The following PMF1 variants were observed in gnomAD, a reference collection of about 807,000 sequenced individuals.
The protein encoded by PMF1 is polyamine modulated factor 1.
A neutral mutation model predicts 26.7 loss-of-function variants in PMF1; 21 were observed. That is an observed-to-expected ratio of 0.79 (90% CI 0.56 to 1.13). The LOEUF (loss-of-function observed/expected upper bound fraction) is 1.13. Ranked by LOEUF, PMF1 falls within the 50% of genes most tolerant of loss-of-function variation. PMF1 has a pLI of 0.00. For missense variants in PMF1, 266 were observed against 254.9 expected, an observed-to-expected ratio of 1.04 and a Z score of -0.30; for synonymous variants, 105 against 101.0, an observed-to-expected ratio of 1.04 and a Z score of -0.24.
At chr1:156,238,658 CA>C (rs1659176143) in intron 4 of PMF1, among the ~76,000 whole-genome samples, 2 of 152,222 alleles carry the variant, frequency 1.3e-5, no homozygotes, top group Non-Finnish European at 2.9e-5. Context: ...TACAGGTCCC[CA>C]AATTTATGGC....
intron 1 of PMF1, among the ~76,000 whole-genome samples, chr1:156,214,977 A>T (rs1156350051): frequency 6.6e-6 from 1 of 151,534 alleles, no homozygotes; most frequent in African/African-American, 2.4e-5. Context: ...TGCCGGGTTC[A>T]AGTGATTCTC....
chr1:156,226,254 G>A lies in PMF1; in HGVS notation c.162-6066G>A, dbSNP rs1045450531. On this transcript the variant is annotated intron_variant, in intron 1 of 4. Transcript: ENST00000368277. The stretch of plus-strand genomic sequence containing the variant: ...CTCCTGGGCTAAGTGATCCTCCTGC[G>A]TTGGCCTCCCAAGAAAAAATAACAG... Among the ~76,000 whole-genome samples, 4 of 152,304 alleles carry A rather than the reference G, an allele frequency of 2.6e-5. No individual in the cohort carries two copies. In the South Asian group the frequency reaches 8.3e-4, roughly 32 times the overall value.
chr1:156,237,574 G>T (rs1047119696), intron 4 of PMF1, among the ~76,000 whole-genome samples: 4 of 150,092 alleles, frequency 2.7e-5, no homozygotes, highest in Non-Finnish European at 5.9e-5. Context: ...AGCCTCCTGA[G>T]TAGCTGGGAT....
At chr1:156,238,875 G>T (rs1659188228) in intron 4 of PMF1, among the ~76,000 whole-genome samples, 2 of 84,904 alleles carry the variant, frequency 2.4e-5, no homozygotes, top group South Asian at 8.8e-4. Flanking sequence ...AAGTGGTGGT[G>T]ACAAAGGCCC....
At chr1:156,227,715 C>G (rs982498933) in intron 1 of PMF1, among the ~76,000 whole-genome samples, 2 of 151,494 alleles carry the variant, frequency 1.3e-5, no homozygotes, top group Non-Finnish European at 2.9e-5. Context: ...TCAGGCTGGT[C>G]TCGAACTCCC....
At chr1:156,224,036 C>T (rs1343040709) in intron 1 of PMF1, 1 of 152,172 alleles carries the variant, frequency 6.6e-6, no homozygotes, top group East Asian at 1.9e-4. Context: ...CCATCTTTCT[C>T]AGGAAAAGTA....
intron 1 of PMF1, among the ~76,000 whole-genome samples, chr1:156,228,575 G>A (rs3768276): frequency 0.37 from 56,943 of 151,852 alleles, 13,267 homozygotes; most frequent in Non-Finnish European, 0.5. Flanking sequence ...CACAGCCAGC[G>A]CTGGTGGTCA....
intron 1 of PMF1, among the ~76,000 whole-genome samples, chr1:156,216,856 G>C (rs60844051): frequency 2.0e-5 from 3 of 151,898 alleles, no homozygotes; most frequent in Non-Finnish European, 4.4e-5. Context: ...CTCCGCTCCC[G>C]GGGGGCTCTA....
chr1:156,219,874 C>T (rs935977945), intron 1 of PMF1, among the ~76,000 whole-genome samples: 9 of 152,096 alleles, frequency 5.9e-5, no homozygotes, highest in Non-Finnish European at 8.8e-5. Context: ...CTCAGCCTCC[C>T]GAGTAGCTGG....
chr1:156,230,962 T>C (rs1232243172), intron 1 of PMF1, among the ~76,000 whole-genome samples: 1 of 152,024 alleles, frequency 6.6e-6, no homozygotes, highest in Non-Finnish European at 1.5e-5. Context: ...ATGCCTGTAA[T>C]GCCAGCACTT....
At chr1:156,213,287 C>T (rs1431805533) in intron 1 of PMF1, 111 bp downstream of exon 1, 15 of 1,472,644 alleles carry the variant, frequency 1.0e-5, no homozygotes, top group Non-Finnish European at 1.4e-5. Context: ...GCGTTGGGGG[C>T]GGGGCAGTCG....
intron 1 of PMF1, among the ~76,000 whole-genome samples, chr1:156,214,877 TA>T (rs1213721092): frequency 7.3e-5 from 11 of 150,256 alleles, no homozygotes; most frequent in African/African-American, 2.5e-4. Flanking sequence ...TTATTATTAT[TA>T]TTATTATTTT....
Position 156,233,626 on chromosome 1 carries a change from A to G in PMF1, c.268-2A>G. The G allele has an allele frequency of 1.2e-6, 2 of 1,613,640 alleles. No individual in the cohort carries two copies. The highest frequency in any genetic ancestry group is 1.7e-6 in the Non-Finnish European group (2 of 1,179,752). On this transcript the variant is annotated splice_acceptor_variant, in intron 2 of 4. Coordinates refer to ENST00000368277, the MANE Select transcript of PMF1 (RefSeq NM_007221.4). LOFTEE classifies it high-confidence loss of function. ...TACAGCTCTTTCCTCCTTTCTCTTC[A>G]GGAGGAAATCTCTGACATCAAAGAG... is the stretch of plus-strand genomic sequence containing the variant.
At chr1:156,237,557 A>C (rs1403844474) in intron 4 of PMF1, among the ~76,000 whole-genome samples, 1 of 137,050 alleles carries the variant, frequency 7.3e-6, no homozygotes, top group Non-Finnish European at 1.6e-5. Flanking sequence ...AGCCATTCTC[A>C]TGCCTCAGCC....
chr1:156,223,442 G>T (rs2103093558), intron 1 of PMF1: 1 of 152,320 alleles, frequency 6.6e-6, no homozygotes, highest in Admixed American at 6.5e-5. Context: ...CCTGGATTGA[G>T]TCCCAGCTGG....
At chr1:156,221,917 C>T (rs190529077) in intron 1 of PMF1, among the ~76,000 whole-genome samples, 1 of 152,316 alleles carries the variant, frequency 6.6e-6, no homozygotes, top group African/African-American at 2.4e-5. Flanking sequence ...CCTTTCCATC[C>T]TTGCTGACAC....
chr1:156,239,668 C>CAGGCA lies in PMF1; in HGVS notation c.*67_*68insAGGCA. 2 of 1,350,784 alleles carry CAGGCA rather than the reference C, an allele frequency of 1.5e-6. No individual in the cohort carries two copies. Among genetic ancestry groups the CAGGCA allele is most frequent in the Non-Finnish European group, 2.1e-6 (2 of 945,714 alleles). 83.7% of individuals were successfully genotyped at this position (1,350,784 alleles called of 1,614,324 possible). ...GAGCCTGTGGTCCAGCATGCCTGGC[C>CAGGCA]TGGGCGGGCTACCTCTGAGAACGGC... On this transcript the variant is annotated 3_prime_UTR_variant, in exon 5 of 5. Transcript: ENST00000368277.
chr1:156,236,691 C>T (rs1267944798), intron 4 of PMF1: 11 of 668,352 alleles, frequency 1.6e-5, no homozygotes, highest in Non-Finnish European at 2.5e-5. Flanking sequence ...AGATCCTCCA[C>T]CAGGCACAGG....
intron 1 of PMF1, among the ~76,000 whole-genome samples, chr1:156,214,787 C>T (rs924916018): frequency 6.6e-6 from 1 of 151,488 alleles, no homozygotes; most frequent in Non-Finnish European, 1.5e-5. Context: ...AATGATACCA[C>T]TAGATAGGAT....
Sources: allele counts gnomAD v4.1 joint callset (sites outside exome capture counted in the v4.1 genomes callset), GRCh38; gene constraint gnomAD v4.1.1; transcripts MANE v1.5; gene names NCBI Gene and HGNC (gene_info 2026-07-23, HGNC 2026-07-21).